Variants in CTNNA3 observed in about 807,000 individuals in gnomAD.
CTNNA3 encodes the protein catenin alpha-3.
A neutral mutation model predicts 95.7 loss-of-function variants in CTNNA3; 76 were observed. The ratio of observed to expected loss-of-function variants is 0.79; its 90% CI spans 0.66 to 0.96. CTNNA3 has a LOEUF of 0.96. Among genes scored for constraint, CTNNA3 ranks in the 40% least tolerant of loss-of-function variants. The pLI is 0.00. For missense variants in CTNNA3, 1,191 were observed against 1,089.8 expected (o/e 1.09, Z -1.31); for synonymous variants, 431 against 374.4 (o/e 1.15, Z -1.74).
At chr10:67,491,462 A>G (rs1427782953) in intron 5 of CTNNA3, among the ~76,000 whole-genome samples, 1 of 152,216 alleles carries the variant, frequency 6.6e-6, no homozygotes, top group Non-Finnish European at 1.5e-5. Flanking sequence ...AGTAGTATCT[A>G]CCTCCAAATT....
chr10:66,829,685 CA>C (rs1842644093), intron 7 of CTNNA3, among the ~76,000 whole-genome samples: 1 of 89,654 alleles, frequency 1.1e-5, no homozygotes, highest in Non-Finnish European at 2.2e-5. Context: ...TTTCAATTAA[CA>C]TTTTGGAAAA....
chr10:66,672,724 C>T (rs1846708896), intron 9 of CTNNA3, among the ~76,000 whole-genome samples: 2 of 152,056 alleles, frequency 1.3e-5, no homozygotes, highest in South Asian at 2.1e-4. Context: ...TGCTTTTCTC[C>T]ACCCACCCGA....
At chr10:66,722,107 G>A (rs35421504) in intron 9 of CTNNA3, among the ~76,000 whole-genome samples, 227 of 152,236 alleles carry the variant, frequency 1.5e-3, no homozygotes, top group Non-Finnish European at 2.7e-3. Context: ...GGCCGGGTGC[G>A]GTGGCTCATG....
chr10:67,451,601 C>T (rs1444618469), intron 5 of CTNNA3, among the ~76,000 whole-genome samples: 1 of 152,202 alleles, frequency 6.6e-6, no homozygotes, highest in Non-Finnish European at 1.5e-5. Context: ...ATCCTAGATT[C>T]TGCTTCTGGT....
At chr10:66,290,066 T>G (rs937431577) in intron 12 of CTNNA3, among the ~76,000 whole-genome samples, 1 of 151,966 alleles carries the variant, frequency 6.6e-6, no homozygotes. Flanking sequence ...GATGACTGGA[T>G]GGCTAGGTGG....
chr10:66,678,474 A>G (rs1414242631), intron 9 of CTNNA3, among the ~76,000 whole-genome samples: 2 of 152,132 alleles, frequency 1.3e-5, no homozygotes, highest in Non-Finnish European at 2.9e-5. Context: ...ACATATATAC[A>G]TATATGGCCC....
At chr10:66,406,647 T>TATTA (rs1320078180) in intron 11 of CTNNA3, among the ~76,000 whole-genome samples, 18 of 152,148 alleles carry the variant, frequency 1.2e-4, no homozygotes, top group Non-Finnish European at 2.4e-4. Flanking sequence ...ATTACCTTCA[T>TATTA]TCTTATCAAA....
At chr10:66,136,645 GTAATTAC>G (rs1414152089) in intron 13 of CTNNA3, among the ~76,000 whole-genome samples, 1 of 152,100 alleles carries the variant, frequency 6.6e-6, no homozygotes, top group African/African-American at 2.4e-5. Flanking sequence ...TTCTTGCAAT[GTAATTAC>G]TGCACAATGG....
chr10:66,003,857 T>A (rs957093013), intron 15 of CTNNA3, among the ~76,000 whole-genome samples: 2 of 152,216 alleles, frequency 1.3e-5, no homozygotes, highest in Non-Finnish European at 2.9e-5. Context: ...CACTGCTGCA[T>A]AGAACTGCAC....
At chr10:67,153,205 A>T (rs1861160976) in intron 7 of CTNNA3, among the ~76,000 whole-genome samples, 2 of 152,130 alleles carry the variant, frequency 1.3e-5, no homozygotes, top group Admixed American at 6.6e-5. Flanking sequence ...CGAACTCCAG[A>T]TCTCAGGTGA....
At chr10:66,291,404 T>C (rs117911839) in intron 12 of CTNNA3, among the ~76,000 whole-genome samples, 5,207 of 152,268 alleles carry the variant, frequency 0.034, 139 homozygotes, top group Middle Eastern at 0.058. Flanking sequence ...AATCTAAATT[T>C]TAACAAGTTT....
At chr10:67,601,963 G>A (rs1196720031) in intron 3 of CTNNA3, among the ~76,000 whole-genome samples, 1 of 152,088 alleles carries the variant, frequency 6.6e-6, no homozygotes, top group Non-Finnish European at 1.5e-5. Context: ...TGTAAATAAA[G>A]CCACGGATAG....
chr10:65,986,766 A>G (rs144713877), intron 16 of CTNNA3, among the ~76,000 whole-genome samples: 60 of 151,976 alleles, frequency 3.9e-4, no homozygotes, highest in African/African-American at 1.4e-3. Context: ...AATCCTGAGA[A>G]AAACAGCAAA....
chr10:67,073,927 A>G (rs1856595745), intron 7 of CTNNA3, among the ~76,000 whole-genome samples: 1 of 152,214 alleles, frequency 6.6e-6, no homozygotes, highest in Admixed American at 6.5e-5. Context: ...CAATAACAAA[A>G]TGTAACTAAT....
chr10:67,327,841 G>C (rs373905029), intron 5 of CTNNA3, among the ~76,000 whole-genome samples: 3 of 152,204 alleles, frequency 2.0e-5, no homozygotes, highest in Non-Finnish European at 4.4e-5. Context: ...GCTGGTGACT[G>C]TGTGTGTGGT....
At chr10:66,932,789 A>C (rs1378966947) in intron 7 of CTNNA3, among the ~76,000 whole-genome samples, 1 of 152,128 alleles carries the variant, frequency 6.6e-6, no homozygotes, top group Non-Finnish European at 1.5e-5. Context: ...TAGCCTCCAA[A>C]AGTTGGTGAT....
Position 66,242,003 on chromosome 10 carries a change from C to G in CTNNA3, c.1884+38467G>C, listed in dbSNP as rs7902169. Among the ~76,000 whole-genome samples the G allele has an allele frequency of 3.3e-5, 5 of 152,122 alleles. No homozygotes were observed. In the East Asian group the frequency reaches 9.7e-4, roughly 30 times the overall value. ...GACAAGACTGCTATGATTTGAATAT[C>G]TGTCTCCTCCAAAACTCAAGTTGAA... On this transcript the variant is annotated intron_variant, in intron 13 of 17. Transcript: ENST00000433211.
At chr10:66,651,414 G>A (rs370806390) in intron 9 of CTNNA3, among the ~76,000 whole-genome samples, 2 of 152,180 alleles carry the variant, frequency 1.3e-5, no homozygotes, top group African/African-American at 2.4e-5. Flanking sequence ...AGTGGATCAC[G>A]TGCAGGATCC....
intron 13 of CTNNA3, among the ~76,000 whole-genome samples, chr10:66,209,076 C>G (rs1176530328): frequency 6.6e-6 from 1 of 151,880 alleles, no homozygotes; most frequent in Admixed American, 6.6e-5. Flanking sequence ...CAATACTATC[C>G]CCATCTTCTA....
Sources: gnomAD v4.1 joint callset for allele counts (sites outside exome capture counted in the v4.1 genomes callset) on GRCh38, gnomAD v4.1.1 for gene constraint, MANE v1.5 for transcripts, NCBI Gene and HGNC (gene_info 2026-07-23, HGNC 2026-07-21) for gene names.